The following PCDHA2 variants were observed in gnomAD, a reference collection of about 807,000 sequenced individuals.
PCDHA2 encodes the protein protocadherin alpha 2, also known as protocadherin alpha-2.
PCDHA2 carries 58 observed loss-of-function variants against 66.0 expected under a neutral mutation model. That is an observed-to-expected ratio of 0.88 (90% CI 0.71 to 1.09). PCDHA2 has a LOEUF of 1.09. Among genes scored for constraint, PCDHA2 ranks in the 50% least tolerant of loss-of-function variants. The pLI, the probability that PCDHA2 is intolerant of heterozygous loss-of-function variation, is 0.00. For missense variants in PCDHA2, 1,267 were observed against 1,242.3 expected, an observed-to-expected ratio of 1.02 and a Z score of -0.30; for synonymous variants, 634 against 554.0, an observed-to-expected ratio of 1.14 and a Z score of -2.03.
In PCDHA2 at chr5:140,844,917, G is replaced by T. The variant is rs2150375061; in HGVS notation, c.2388+47565G>T. On this transcript the variant is annotated intron_variant, in intron 1 of 3. Coordinates refer to ENST00000526136, the MANE Select transcript of PCDHA2 (RefSeq NM_018905.3). ...TGCTTTGGAGAGAATGGTAGAAATT[G>T]ATGGAAGGGAATGAACGATTTCTGG... 3.9e-4 allele frequency among the ~76,000 whole-genome samples: 58 copies of T among 149,480 alleles called. 5 individuals carry two copies. The highest frequency in any genetic ancestry group is 2.2e-3 in the Admixed American group (33 of 14,920).
chr5:140,952,571 C>G (rs571628495), intron 1 of PCDHA2, among the ~76,000 whole-genome samples: 2 of 152,252 alleles, frequency 1.3e-5, no homozygotes, highest in East Asian at 3.9e-4. Flanking sequence ...ACTTCGGTCC[C>G]AATCATTCAA....
intron 1 of PCDHA2, among the ~76,000 whole-genome samples, chr5:140,923,593 A>G (rs2081438423): frequency 6.6e-6 from 1 of 152,246 alleles, no homozygotes. Flanking sequence ...TTGTTAATTC[A>G]TAATTTTAAT....
intron 1 of PCDHA2, chr5:140,860,340 C>G (rs981702671): frequency 6.6e-6 from 1 of 151,936 alleles, no homozygotes; most frequent in Admixed American, 6.6e-5. Context: ...ATGATTGTGC[C>G]ACTGCACTCC....
At chr5:140,856,761 C>A (rs377564040) in intron 1 of PCDHA2, 2 of 1,596,482 alleles carry the variant, frequency 1.3e-6, no homozygotes, top group African/African-American at 2.7e-5. Context: ...AATGATAACG[C>A]CCCTATCTTT....
chr5:140,915,638 C>CTT (rs1183097723), intron 1 of PCDHA2, among the ~76,000 whole-genome samples: 1 of 151,724 alleles, frequency 6.6e-6, no homozygotes, highest in African/African-American at 2.4e-5. Context: ...CTCTCTCTCT[C>CTT]TCTCTCTCTC....
At chr5:140,802,762 C>T (rs782384957) in intron 1 of PCDHA2, 4 of 1,612,708 alleles carry the variant, frequency 2.5e-6, no homozygotes, top group East Asian at 4.5e-5. Flanking sequence ...GCGCTGCAGC[C>T]GCTGGACCAC....
intron 1 of PCDHA2, among the ~76,000 whole-genome samples, chr5:140,844,879 A>T (rs1779591756): frequency 6.7e-6 from 1 of 149,298 alleles, no homozygotes; most frequent in Non-Finnish European, 1.5e-5. Flanking sequence ...TACCCATTAG[A>T]CTTCGTGCAT....
intron 1 of PCDHA2, among the ~76,000 whole-genome samples, chr5:140,915,919 AC>A (rs1449299766): frequency 6.6e-6 from 1 of 152,102 alleles, no homozygotes; most frequent in Non-Finnish European, 1.5e-5. Flanking sequence ...CAGAGATGCT[AC>A]TTGGGAGTCA....
chr5:140,878,001 T>C (rs2057434893), intron 1 of PCDHA2: 6 of 1,018,808 alleles, frequency 5.9e-6, no homozygotes, highest in South Asian at 4.4e-5. Flanking sequence ...TATGTATTTG[T>C]CTAACATTAA....
intron 1 of PCDHA2, chr5:140,882,607 T>G (rs1313419888): frequency 6.8e-6 from 11 of 1,614,124 alleles, no homozygotes; most frequent in East Asian, 2.2e-5. Flanking sequence ...TGGACAGGCC[T>G]CTGCAGGTTT....
At chr5:140,841,633 C>T in intron 1 of PCDHA2, 1 of 1,614,144 alleles carries the variant, frequency 6.2e-7, no homozygotes, top group Non-Finnish European at 8.5e-7. Flanking sequence ...AGTGCAGCAT[C>T]CACCTGGAGG....
intron 1 of PCDHA2, among the ~76,000 whole-genome samples, chr5:140,831,626 G>T (rs1771648020): frequency 6.7e-6 from 1 of 149,106 alleles, no homozygotes; most frequent in Non-Finnish European, 1.5e-5. Flanking sequence ...GCCTCCCAAA[G>T]TACTAAGATT....
intron 3 of PCDHA2, among the ~76,000 whole-genome samples, chr5:140,993,092 G>A (rs1441562927): frequency 6.6e-6 from 1 of 152,222 alleles, no homozygotes; most frequent in East Asian, 1.9e-4. Flanking sequence ...GCAGGGCTAT[G>A]TTTATTCAGC....
At chr5:140,801,784 T>G (rs1230159283) in intron 1 of PCDHA2, 8 of 1,613,786 alleles carry the variant, frequency 5.0e-6, no homozygotes, top group African/African-American at 1.3e-5. Flanking sequence ...GGACTCGTGT[T>G]GAAAAAAAAT....
rs1045998593 is a variant in PCDHA2, at chr5:140,838,449, A to G, written c.2388+41097A>G. On this transcript the variant is annotated intron_variant, in intron 1 of 3. Coordinates refer to ENST00000526136, the MANE Select transcript of PCDHA2 (RefSeq NM_018905.3). ...TAAATTATATATTGGGTTTTGTGGC[A>G]TATTATTTCATTAGCGCTTATTCCT... 3.3e-5 allele frequency among the ~76,000 whole-genome samples: 5 copies of G among 151,718 alleles called. No individual in the cohort carries two copies. The East Asian group carries it at 9.7e-4, about 29-fold the overall frequency.
At chr5:140,991,984 C>T (rs1393451773) in intron 3 of PCDHA2, among the ~76,000 whole-genome samples, 1 of 151,632 alleles carries the variant, frequency 6.6e-6, no homozygotes, top group Non-Finnish European at 1.5e-5. Context: ...TTCTGCCTAC[C>T]ACCCGGTCTT....
chr5:140,796,830 C>T lies in PCDHA2; in HGVS notation c.1866C>T (p.Phe622=), dbSNP rs370830493. The T allele has an allele frequency of 6.9e-5, 112 of 1,614,134 alleles. 1 individual carries two copies. The Middle Eastern group carries it at 2.0e-3, about 29-fold the overall frequency. Residue 622 remains phenylalanine (F), a synonymous_variant, in exon 1 of 4, where the codon TTC becomes TTT. Coordinates refer to ENST00000526136, the MANE Select transcript of PCDHA2 (RefSeq NM_018905.3). ...GTACTGGCAGCGCTCGCATCCCGTT[C>T]CGCGTGGGGCTATACACGGGTGAGA... ...QLGTGSARIP[F]RVGLYTGEIS...
At chr5:140,848,742 A>G in intron 1 of PCDHA2, 2 of 1,593,114 alleles carry the variant, frequency 1.3e-6, no homozygotes, top group Admixed American at 3.4e-5. Context: ...GCAGAATGGC[A>G]TTTTGTTTGT....
intron 1 of PCDHA2, chr5:140,827,874 A>G: frequency 1.6e-6 from 1 of 638,432 alleles, no homozygotes; most frequent in Non-Finnish European, 2.7e-6. Flanking sequence ...TAGCACTGTT[A>G]CGTGAATTGA....
Sources: gnomAD v4.1 joint callset for allele counts (sites outside exome capture counted in the v4.1 genomes callset) on GRCh38, gnomAD v4.1.1 for gene constraint, MANE v1.5 for transcripts, NCBI Gene and HGNC (gene_info 2026-07-23, HGNC 2026-07-21) for gene names.